The following HECW2 variants were observed in gnomAD, a reference collection of about 807,000 sequenced individuals.
HECW2 encodes the protein E3 ubiquitin-protein ligase HECW2.
HECW2 carries 61 observed loss-of-function variants against 175.2 expected under a neutral mutation model. The ratio of observed to expected loss-of-function variants is 0.35; its 90% CI spans 0.28 to 0.43. The LOEUF (loss-of-function observed/expected upper bound fraction) is 0.43. HECW2 is among the 20% of genes least tolerant of loss of function. HECW2 has a pLI of 1.00. For synonymous variants in HECW2, 671 were observed against 731.0 expected (o/e 0.92, Z 1.32); for missense variants, 1,524 against 2,000.5 (o/e 0.76, Z 4.54).
intron 6 of HECW2, among the ~76,000 whole-genome samples, chr2:196,324,084 T>G (rs1692060578): frequency 6.6e-6 from 1 of 152,158 alleles, no homozygotes; most frequent in Non-Finnish European, 1.5e-5. Flanking sequence ...CAATCGGTTT[T>G]AGATCCCCTG....
intron 1 of HECW2, among the ~76,000 whole-genome samples, chr2:196,452,794 T>TA (rs201131840): frequency 0.044 from 4,608 of 105,616 alleles, 155 homozygotes; most frequent in African/African-American, 0.12. Context: ...CCCAAAGCAC[T>TA]AAAAAAAAAA....
rs180869492 is a variant in HECW2 at position 196,585,009 on chromosome 2, C to T, written c.-36+8499G>A. On this transcript the variant is annotated intron_variant, in intron 1 of 28. Transcript: ENST00000644978. ...TTATGGTCAATGTGGACATCTAACT[C>T]TCTAATAAAAAAAATTCATAGTCTA... is the stretch of plus-strand genomic sequence containing the variant. 1.2e-4 allele frequency among the ~76,000 whole-genome samples: 18 copies of T among 152,230 alleles called. No individual in the cohort carries two copies. The East Asian group carries it at 3.3e-3, about 28-fold the overall frequency.
chr2:196,264,857 A>G (rs1689448540), intron 17 of HECW2, among the ~76,000 whole-genome samples: 1 of 152,256 alleles, frequency 6.6e-6, no homozygotes, highest in Admixed American at 6.5e-5. Flanking sequence ...CATAGAATAG[A>G]TGACAGGTTC....
At chr2:196,547,981 T>C (rs13414655) in intron 1 of HECW2, among the ~76,000 whole-genome samples, 7,678 of 152,230 alleles carry the variant, frequency 0.05, 645 homozygotes, top group African/African-American at 0.17. Flanking sequence ...GTCTTCTTCA[T>C]AGCCTGGATG....
At chr2:196,540,000 G>C (rs926443244) in intron 1 of HECW2, among the ~76,000 whole-genome samples, 1 of 152,190 alleles carries the variant, frequency 6.6e-6, no homozygotes, top group African/African-American at 2.4e-5. Flanking sequence ...GGATGAATGA[G>C]CAGTCACTTT....
chr2:196,433,028 G>C (rs1695760674), intron 2 of HECW2, 104 bp downstream of exon 2: 1 of 1,006,950 alleles, frequency 9.9e-7, no homozygotes, highest in Non-Finnish European at 1.5e-6. Flanking sequence ...ATGTGTATAT[G>C]TGCATGTGAA....
chr2:196,384,543 C>T (rs1392244057), intron 2 of HECW2, among the ~76,000 whole-genome samples: 1 of 152,144 alleles, frequency 6.6e-6, no homozygotes, highest in Non-Finnish European at 1.5e-5. Flanking sequence ...GACAGCACTA[C>T]TATACTCCAG....
intron 13 of HECW2, among the ~76,000 whole-genome samples, chr2:196,301,581 G>A (rs1267453451): frequency 6.6e-6 from 1 of 152,108 alleles, no homozygotes; most frequent in Non-Finnish European, 1.5e-5. Flanking sequence ...TGACTGGCAT[G>A]AGATGACATC....
At chr2:196,344,686 A>C (rs1692887774) in intron 2 of HECW2, among the ~76,000 whole-genome samples, 1 of 152,246 alleles carries the variant, frequency 6.6e-6, no homozygotes, top group Non-Finnish European at 1.5e-5. Flanking sequence ...TTTTATAGGC[A>C]CATTAAAAAG....
At position 196,225,839 on chromosome 2, in the gene HECW2, C is replaced by T. The variant is rs929155541; in HGVS notation, c.3949G>A (p.Ala1317Thr). ...TCCAACAAATACTGGTGTATTAGTG[C>T]AAGACCAAGGATCCTACCACTGAAT... ...FRFSGRILGL[A>T]LIHQYLLDAF... The change falls in exon 23 of 29, where the codon GCA (alanine) becomes ACA (threonine). Residue 1317 changes from alanine (A) to threonine (T), a missense_variant. By Grantham distance (58) the Ala-to-Thr change is moderately conservative. Around this residue, in one of 11 missense-constraint regions of HECW2, gnomAD observed 16 missense variants for 23.9 expected, o/e 0.67. Transcript: ENST00000644978. 11 of 1,612,498 alleles carry T rather than the reference C, an allele frequency of 6.8e-6. No individual in the cohort carries two copies. The African/African-American group carries it at 1.3e-4, about 20-fold the overall frequency.
chr2:196,561,480 A>G (rs1403278977), intron 1 of HECW2, among the ~76,000 whole-genome samples: 1 of 152,014 alleles, frequency 6.6e-6, no homozygotes, highest in Non-Finnish European at 1.5e-5. Context: ...GAAGCATGTG[A>G]TCTTTGTGAC....
intron 1 of HECW2, among the ~76,000 whole-genome samples, chr2:196,483,094 T>TA (rs370614949): frequency 0.045 from 4,911 of 110,344 alleles, 283 homozygotes; most frequent in African/African-American, 0.13. Flanking sequence ...TTCATAGTTG[T>TA]AAAAAAAAAA....
rs142689414 is a variant in HECW2 at position 196,436,344 on chromosome 2, T to C, written c.-35-2886A>G. Among the ~76,000 whole-genome samples the C allele has an allele frequency of 5.9e-3, 829 of 140,770 alleles. 27 individuals are homozygous for C. Among genetic ancestry groups the C allele is most frequent in the Admixed American group, 0.051 (653 of 12,784 alleles). The allele number at this position is 140,770 out of a possible 152,430, so 92.4% of individuals were successfully genotyped here. ...TGAACCCAGGAGGCGGAGCTTGCAG[T>C]GAGCAGAGATTGCACCACTGGACTC... On this transcript the variant is annotated intron_variant, in intron 1 of 28. Transcript: ENST00000644978.
At chr2:196,438,044 A>G (rs542154917) in intron 1 of HECW2, among the ~76,000 whole-genome samples, 13 of 152,254 alleles carry the variant, frequency 8.5e-5, no homozygotes, top group Admixed American at 8.5e-4. Context: ...TGTTTTTAGG[A>G]TGGAAGAGAT....
Position 196,319,878 on chromosome 2 carries a change from T to A in HECW2, c.1012A>T (p.Ile338Leu), listed in dbSNP as rs772253083. ...CCATTCACAGAATTGACTCCAAGTA[T>A]TGTGCCAACAGCTTCTGGAGAGGCA... ...EDASPEAVGT[I>L]LGVNSVNGDL... Residue 338 changes from isoleucine to leucine, a missense_variant, in exon 9 of 29, where the codon ATA (isoleucine) becomes TTA (leucine). Physicochemically the swap from Ile to Leu is conservative, Grantham distance 5 (BLOSUM62 2). Around this residue, in one of 11 missense-constraint regions of HECW2, gnomAD observed 604 missense variants for 588.3 expected, o/e 1.03. Transcript: ENST00000644978. 3.1e-6 allele frequency: 5 copies of A among 1,609,678 alleles called. No homozygotes were observed. Among genetic ancestry groups the A allele is most frequent in the Non-Finnish European group, 3.4e-6 (4 of 1,176,646 alleles).
intron 28 of HECW2, among the ~76,000 whole-genome samples, chr2:196,214,966 T>A (rs1415842379): frequency 6.6e-6 from 1 of 152,222 alleles, no homozygotes; most frequent in Non-Finnish European, 1.5e-5. Flanking sequence ...CAATTTAGGA[T>A]AACATCTTGG....
intron 21 of HECW2, chr2:196,239,862 TG>T (rs775738317): frequency 1.3e-5 from 2 of 152,266 alleles, no homozygotes; most frequent in Non-Finnish European, 2.9e-5. Context: ...AGCACACTCA[TG>T]GAAGAGTCAT....
intron 1 of HECW2, among the ~76,000 whole-genome samples, chr2:196,473,418 T>C (rs1049389220): frequency 1.3e-5 from 2 of 152,212 alleles, no homozygotes; most frequent in Non-Finnish European, 1.5e-5. Flanking sequence ...TATAAATCAT[T>C]TTTTACTGAT....
intron 1 of HECW2, among the ~76,000 whole-genome samples, chr2:196,471,049 C>G (rs1236645039): frequency 6.7e-6 from 1 of 148,712 alleles, no homozygotes; most frequent in Non-Finnish European, 1.5e-5. Flanking sequence ...CAAGTGTAAA[C>G]AAGGACAAGG....
Sources: gnomAD v4.1 joint callset for allele counts (sites outside exome capture counted in the v4.1 genomes callset) on GRCh38, gnomAD v4.1.1 for gene constraint, gnomAD v4.1.1 regional missense constraint, MANE v1.5 for transcripts, NCBI Gene and HGNC (gene_info 2026-07-23, HGNC 2026-07-21) for gene names.